Variants in FAM81A observed in about 807,000 individuals in gnomAD.
FAM81A encodes the protein protein FAM81A.
FAM81A carries 19 observed loss-of-function variants against 46.7 expected under a neutral mutation model. The ratio of observed to expected loss-of-function variants is 0.41; its 90% CI spans 0.28 to 0.60. The LOEUF (loss-of-function observed/expected upper bound fraction) is 0.60. Among genes scored for constraint, FAM81A ranks in the 20% least tolerant of loss-of-function variants. The probability of loss-of-function intolerance (pLI) is 0.34; values close to 1 mark genes in which losing one functional copy is unlikely to be tolerated. For synonymous variants in FAM81A, 183 were observed against 152.9 expected (o/e 1.20, Z -1.45); for missense variants, 377 against 453.5 (o/e 0.83, Z 1.53).
intron 3 of FAM81A, among the ~76,000 whole-genome samples, chr15:59,466,294 A>G (rs968181924): frequency 3.3e-5 from 5 of 152,192 alleles, no homozygotes; most frequent in African/African-American, 1.2e-4. Context: ...GTCTTCCACA[A>G]TGGTTAAACT....
chr15:59,422,460 C>G (rs1424794940), intron 2 of FAM81A, among the ~76,000 whole-genome samples: 1 of 151,916 alleles, frequency 6.6e-6, no homozygotes, highest in Non-Finnish European at 1.5e-5. Context: ...TATCTAGTTT[C>G]TTTCTTTTTA....
rs764710129 is a variant in FAM81A, at chr15:59,492,290, G to A, written c.314G>A (p.Arg105His). 3 of 1,613,132 alleles carry A rather than the reference G, an allele frequency of 1.9e-6. No homozygotes were observed. Among genetic ancestry groups the A allele is most frequent in the Non-Finnish European group, 8.5e-7 (1 of 1,179,448 alleles). ...RDIEVLQEQI[R>H]ARDNISYGTN... Reference sequence around the variant, plus strand: ...GCCCAGGTACTCCAGGAGCAGATTCGTGCCCGGGACAACATTAGCTATGGA... The same window carrying A: ...GCCCAGGTACTCCAGGAGCAGATTCATGCCCGGGACAACATTAGCTATGGA... The change falls in exon 4 of 9, where the codon CGT (arginine) becomes CAT (histidine). Residue 105 changes from arginine to histidine, a missense_variant. By Grantham distance (29) the Arg-to-His change is conservative (BLOSUM62 0). Transcript: ENST00000288228.
At chr15:59,498,846 G>A (rs548914772) in intron 4 of FAM81A, among the ~76,000 whole-genome samples, 12 of 152,200 alleles carry the variant, frequency 7.9e-5, no homozygotes, top group Non-Finnish European at 1.6e-4. Flanking sequence ...TTAGAGATGG[G>A]GATTCGCCAT....
intron 8 of FAM81A, among the ~76,000 whole-genome samples, chr15:59,517,505 A>G (rs1370623088): frequency 1.3e-5 from 2 of 152,222 alleles, no homozygotes; most frequent in African/African-American, 4.8e-5. Flanking sequence ...AAAATATTCA[A>G]GTAGAGGCTG....
chr15:59,514,640 T>G (rs1210768996), intron 7 of FAM81A, among the ~76,000 whole-genome samples: 2 of 152,228 alleles, frequency 1.3e-5, no homozygotes, highest in African/African-American at 4.8e-5. Flanking sequence ...AGTAGAAAAT[T>G]TCAGTACTTT....
chr15:59,421,944 C>T (rs1407044240), intron 2 of FAM81A, among the ~76,000 whole-genome samples: 1 of 151,488 alleles, frequency 6.6e-6, no homozygotes, highest in Non-Finnish European at 1.5e-5. Context: ...TATTTATATC[C>T]ACTTTAATTT....
chr15:59,470,729 A>C (rs768461023), intron 3 of FAM81A, among the ~76,000 whole-genome samples: 32 of 152,226 alleles, frequency 2.1e-4, no homozygotes, highest in Admixed American at 8.5e-4. Context: ...GTCATTCTCC[A>C]TCCAGCTTTG....
chr15:59,421,751 C>T (rs1457871599), intron 2 of FAM81A, among the ~76,000 whole-genome samples: 24 of 149,352 alleles, frequency 1.6e-4, no homozygotes, highest in Admixed American at 1.6e-3. Context: ...ATCTGTCTAT[C>T]TATCTATCTA....
At chr15:59,437,477 C>G (rs1297658578), upstream of FAM81A, among the ~76,000 whole-genome samples, 1 of 151,886 alleles carries the variant, frequency 6.6e-6, no homozygotes, top group Non-Finnish European at 1.5e-5. Flanking sequence ...CCAGGACGCG[C>G]TGGGAGGGGA....
At chr15:59,502,143 T>C (rs1427524752) in intron 4 of FAM81A, among the ~76,000 whole-genome samples, 1 of 151,200 alleles carries the variant, frequency 6.6e-6, no homozygotes, top group Non-Finnish European at 1.5e-5. Flanking sequence ...ACATTATTTT[T>C]ATTTTTTATT....
chr15:59,461,290 C>T (rs1256887079), intron 3 of FAM81A, among the ~76,000 whole-genome samples: 1 of 151,960 alleles, frequency 6.6e-6, no homozygotes, highest in East Asian at 1.9e-4. Context: ...TGGCTTCTTT[C>T]TTTCCTTTTC....
chr15:59,501,455 GGGCT>G (rs2082089880), intron 4 of FAM81A, among the ~76,000 whole-genome samples: 1 of 151,886 alleles, frequency 6.6e-6, no homozygotes, highest in Non-Finnish European at 1.5e-5. Flanking sequence ...CAGCTATAAA[GGGCT>G]TAATGATACA....
At chr15:59,492,212 C>A in intron 3 of FAM81A, 59 bp from the exon 4 acceptor site, 1 of 1,310,642 alleles carries the variant, frequency 7.6e-7, no homozygotes, top group Non-Finnish European at 1.1e-6. Flanking sequence ...GTATAAAATG[C>A]TTTTGTGGAA....
intron 2 of FAM81A, among the ~76,000 whole-genome samples, chr15:59,425,630 A>G (rs917573483): frequency 1.3e-5 from 2 of 151,758 alleles, no homozygotes; most frequent in Non-Finnish European, 2.9e-5. Context: ...TTATTTGTTT[A>G]TTTGTTTGTT....
intron 2 of FAM81A, among the ~76,000 whole-genome samples, chr15:59,416,546 C>T (rs1183072320): frequency 6.6e-6 from 1 of 152,202 alleles, no homozygotes; most frequent in Admixed American, 6.5e-5. Flanking sequence ...CTGTGAACCA[C>T]AGCTGTGAGT....
intron 1 of FAM81A, among the ~76,000 whole-genome samples, chr15:59,439,756 C>T (rs2081277345): frequency 6.6e-6 from 1 of 152,092 alleles, no homozygotes; most frequent in Non-Finnish European, 1.5e-5. Context: ...TAGAAAAATA[C>T]TTAGTGTCCA....
chr15:59,494,290 A>G (rs2082011780), intron 4 of FAM81A, among the ~76,000 whole-genome samples: 1 of 152,202 alleles, frequency 6.6e-6, no homozygotes, highest in Non-Finnish European at 1.5e-5. Flanking sequence ...TATAGGACAG[A>G]GTAGGGACTT....
At position 59,522,708 on chromosome 15, in the gene FAM81A, TAAAAA is replaced by T. The variant is rs1246992970; in HGVS notation, c.*1331_*1335del. ...AGAAAAACAGGAATACTTTAACAAT[TAAAAA>T]GAAAAAAATGTTTTTTGTTTGCCAA... is the stretch of plus-strand genomic sequence containing the variant. On this transcript the variant is annotated 3_prime_UTR_variant, in exon 9 of 9. Transcript: ENST00000288228. The T allele has an allele frequency of 1.3e-5, 2 of 152,490 alleles. No homozygotes were observed. The highest frequency in any genetic ancestry group is 3.9e-4 in the East Asian group (2 of 5,194). The allele number at this position is 152,490 out of a possible 1,614,324, so 9.4% of individuals were successfully genotyped here.
chr15:59,399,197 A>G (rs2081060102), intron 1 of FAM81A, among the ~76,000 whole-genome samples: 1 of 152,094 alleles, frequency 6.6e-6, no homozygotes. Context: ...AAAAAGAAGA[A>G]CAAAAAGAAT....
Sources: gnomAD v4.1 joint callset for allele counts (sites outside exome capture counted in the v4.1 genomes callset) on GRCh38, gnomAD v4.1.1 for gene constraint, MANE v1.5 for transcripts, NCBI Gene and HGNC (gene_info 2026-07-23, HGNC 2026-07-21) for gene names.